Variants in VAT1L observed in about 807,000 individuals in gnomAD.
VAT1L encodes the protein vesicle amine transport 1 like, also known as putative NADPH-dependent quinone oxidoreductase VAT1L.
A neutral mutation model predicts 44.1 loss-of-function variants in VAT1L; 34 were observed. The observed-to-expected ratio is 0.77, with a 90% CI of 0.59 to 1.03. The LOEUF (loss-of-function observed/expected upper bound fraction) is 1.03. Ranked by LOEUF, VAT1L falls within the 50% of genes least tolerant of loss-of-function variation. VAT1L has a pLI of 0.00. For synonymous variants in VAT1L, 253 were observed against 202.2 expected (o/e 1.25, Z -2.13); for missense variants, 615 against 538.8 (o/e 1.14, Z -1.40).
intron 7 of VAT1L, among the ~76,000 whole-genome samples, chr16:77,951,279 CT>C (rs1217947302): frequency 1.3e-5 from 2 of 152,218 alleles, no homozygotes; most frequent in African/African-American, 4.8e-5. Flanking sequence ...GGTGTAGTGG[CT>C]CACGCCTGTA....
intron 3 of VAT1L, among the ~76,000 whole-genome samples, chr16:77,850,639 TTTTTTG>T (rs1045096654): frequency 2.0e-5 from 3 of 151,556 alleles, no homozygotes; most frequent in Non-Finnish European, 4.4e-5. Context: ...AGTCGTTTGG[TTTTTTG>T]TTTTTGTTTT....
intron 1 of VAT1L, among the ~76,000 whole-genome samples, chr16:77,816,577 T>C (rs1300690370): frequency 6.6e-6 from 1 of 152,220 alleles, no homozygotes; most frequent in Non-Finnish European, 1.5e-5. Flanking sequence ...AGAACTCTGA[T>C]AGCCAGGCTA....
intron 4 of VAT1L, among the ~76,000 whole-genome samples, chr16:77,866,560 C>T (rs1041527227): frequency 1.3e-4 from 19 of 149,814 alleles, no homozygotes; most frequent in African/African-American, 4.7e-4. Flanking sequence ...AGTGATTTCT[C>T]TTTATTTTTT....
At chr16:77,963,905 G>A (rs1298595786) in intron 7 of VAT1L, among the ~76,000 whole-genome samples, 3 of 152,184 alleles carry the variant, frequency 2.0e-5, no homozygotes, top group African/African-American at 2.4e-5. Flanking sequence ...TTCGCAATAC[G>A]TGAAGACCTT....
intron 7 of VAT1L, among the ~76,000 whole-genome samples, chr16:77,926,978 T>C (rs1342365495): frequency 6.6e-6 from 1 of 152,092 alleles, no homozygotes; most frequent in Non-Finnish European, 1.5e-5. Flanking sequence ...ATATGCTACC[T>C]CTCTGGTTAG....
intron 4 of VAT1L, among the ~76,000 whole-genome samples, chr16:77,871,204 C>T (rs549501038): frequency 7.2e-5 from 11 of 152,248 alleles, no homozygotes; most frequent in Middle Eastern, 6.8e-3. Flanking sequence ...CAACTTCTCC[C>T]CCTCAGAATC....
chr16:77,908,930 G>C (rs1413274229), intron 7 of VAT1L, among the ~76,000 whole-genome samples: 1 of 152,002 alleles, frequency 6.6e-6, no homozygotes, highest in East Asian at 1.9e-4. Context: ...AAAATAAAAA[G>C]ACAGGAAAAG....
At position 77,825,343 on chromosome 16, in the gene VAT1L, G is replaced by T; in HGVS notation, c.461G>T (p.Ser154Ile). The change falls in exon 3 of 9, where the codon AGC becomes ATC. Residue 154 changes from serine (S) to isoleucine (I), a missense_variant. Ser to Ile is a moderately radical substitution (Grantham distance 142). Transcript: ENST00000302536. Reference protein sequence around the residue: ...EFVYKIPDDMSFSEAAAFPMN... With the variant: ...EFVYKIPDDMIFSEAAAFPMN... ...GTCTACAAGATCCCGGATGACATGA[G>T]CTTCTCCGAGGCTGCTGCATTCCCC... 1 of 1,614,198 alleles carries T rather than the reference G, an allele frequency of 6.2e-7. No individual in the cohort carries two copies. Among genetic ancestry groups the T allele is most frequent in the African/African-American group, 1.3e-5 (1 of 75,052 alleles).
intron 1 of VAT1L, among the ~76,000 whole-genome samples, chr16:77,814,767 T>C (rs949977979): frequency 6.6e-6 from 1 of 152,206 alleles, no homozygotes; most frequent in Non-Finnish European, 1.5e-5. Context: ...TGTCAGAAAA[T>C]CGGCCATTTT....
intron 3 of VAT1L, among the ~76,000 whole-genome samples, chr16:77,833,631 A>G (rs1405051044): frequency 1.3e-5 from 2 of 152,058 alleles, no homozygotes; most frequent in Non-Finnish European, 2.9e-5. Flanking sequence ...TGTGCCTGTA[A>G]TCCCAGCTAC....
intron 6 of VAT1L, among the ~76,000 whole-genome samples, chr16:77,880,963 G>A (rs1170207837): frequency 2.0e-5 from 3 of 152,274 alleles, no homozygotes; most frequent in African/African-American, 4.8e-5. Context: ...ATTCCATGGT[G>A]TATACGTCTC....
In VAT1L at chr16:77,815,872, G is replaced by A. The variant is rs566306141; in HGVS notation, c.234-1049G>A. Among the ~76,000 whole-genome samples the A allele has an allele frequency of 1.3e-4, 19 of 151,830 alleles. 1 individual carries two copies. Among genetic ancestry groups the A allele is most frequent in the Admixed American group, 1.2e-3 (19 of 15,212 alleles). ...AATCCCAGCTACTTGGGAGGCTGAG[G>A]CAGGAGAATCGCTTGAACCCGGGAG... On this transcript the variant is annotated intron_variant, in intron 1 of 8. Coordinates refer to ENST00000302536, the MANE Select transcript of VAT1L (RefSeq NM_020927.3).
In VAT1L at chr16:77,884,575, G is replaced by T; in HGVS notation, c.883-33G>T. 1 of 1,599,738 alleles carries T rather than the reference G, an allele frequency of 6.3e-7. No individual in the cohort carries two copies. The highest frequency in any genetic ancestry group is 8.5e-7 in the Non-Finnish European group (1 of 1,173,076). On this transcript the variant is annotated intron_variant, in intron 6 of 8. Transcript: ENST00000302536. This position sits in a 1 kb window ranked among gnomAD's most constrained non-coding sequence, Gnocchi z 4.5. ...AATGTAGGCTTAACCCCGGTATTGA[G>T]TTCCTATAACCCAATACCACCTCTC...
chr16:77,933,783 G>A (rs909884141), intron 7 of VAT1L, among the ~76,000 whole-genome samples: 3 of 152,156 alleles, frequency 2.0e-5, no homozygotes, highest in African/African-American at 7.2e-5. Context: ...AGGCAAATAC[G>A]ACTGGAGCAA....
intron 7 of VAT1L, among the ~76,000 whole-genome samples, chr16:77,908,331 G>A (rs2017460796): frequency 6.6e-6 from 1 of 151,660 alleles, no homozygotes; most frequent in African/African-American, 2.4e-5. Context: ...ACGTGGTGGT[G>A]AGTGCCTGTA....
At chr16:77,856,051 G>T (rs1010291477) in intron 3 of VAT1L, among the ~76,000 whole-genome samples, 1 of 152,090 alleles carries the variant, frequency 6.6e-6, no homozygotes, top group Admixed American at 6.6e-5. Context: ...AAACACTGTA[G>T]TGATAGAATG....
chr16:77,864,457 G>A (rs528974127), intron 4 of VAT1L, among the ~76,000 whole-genome samples: 14 of 152,128 alleles, frequency 9.2e-5, no homozygotes, highest in South Asian at 4.2e-4. Flanking sequence ...AATACAAAAC[G>A]TAGATGAGCA....
chr16:77,863,951 G>A, intron 4 of VAT1L, among the ~76,000 whole-genome samples: 1 of 152,164 alleles, frequency 6.6e-6, no homozygotes, highest in Non-Finnish European at 1.5e-5. Context: ...TGGTGCAGAG[G>A]GGATGGATGG....
chr16:77,795,988 G>T (rs1292195052), intron 1 of VAT1L, among the ~76,000 whole-genome samples: 1 of 151,880 alleles, frequency 6.6e-6, no homozygotes, highest in Non-Finnish European at 1.5e-5. Flanking sequence ...ACCAAGCCCA[G>T]CTAGTTTTTA....
Sources: allele counts gnomAD v4.1 joint callset (sites outside exome capture counted in the v4.1 genomes callset), GRCh38; gene constraint gnomAD v4.1.1; non-coding constraint Gnocchi (gnomAD v3.1); transcripts MANE v1.5; gene names NCBI Gene and HGNC (gene_info 2026-07-23, HGNC 2026-07-21).